Variants in ZMYND8 observed in about 807,000 individuals in gnomAD.
The protein encoded by ZMYND8 is MYND-type zinc finger-containing chromatin reader ZMYND8.
Under a neutral mutation model 140.8 loss-of-function variants are expected in ZMYND8, and 37 were observed. That is an observed-to-expected ratio of 0.26 (90% CI 0.20 to 0.35). The LOEUF (loss-of-function observed/expected upper bound fraction) is 0.35, where lower values mean the gene tolerates loss of function less well. ZMYND8 is among the 10% of genes least tolerant of loss of function. ZMYND8 has a pLI of 1.00. For missense variants in ZMYND8, 1,068 were observed against 1,570.0 expected, an observed-to-expected ratio of 0.68 and a Z score of 5.40; for synonymous variants, 592 against 597.1, an observed-to-expected ratio of 0.99 and a Z score of 0.12.
At chr20:47,292,616 T>A (rs922292224) in intron 5 of ZMYND8, among the ~76,000 whole-genome samples, 1 of 152,094 alleles carries the variant, frequency 6.6e-6, no homozygotes, top group East Asian at 1.9e-4. Flanking sequence ...CTTTTTTTTT[T>A]AAAGATATAA....
chr20:47,311,665 A>C (rs1414533137), intron 2 of ZMYND8, among the ~76,000 whole-genome samples: 2 of 152,184 alleles, frequency 1.3e-5, no homozygotes, highest in Admixed American at 1.3e-4. Flanking sequence ...TCATGAGATC[A>C]AGACCAGCCT....
At chr20:47,340,059 C>T (rs2081714986) in intron 2 of ZMYND8, among the ~76,000 whole-genome samples, 1 of 151,966 alleles carries the variant, frequency 6.6e-6, no homozygotes, top group South Asian at 2.1e-4. Context: ...TCCCCTGCCT[C>T]AGCCTCCTGA....
chr20:47,251,820 C>T (rs182242365), intron 12 of ZMYND8, among the ~76,000 whole-genome samples: 1 of 140,204 alleles, frequency 7.1e-6, no homozygotes, highest in Non-Finnish European at 1.5e-5. Context: ...AAGTGAGGAG[C>T]GCCTCTGCCC....
At chr20:47,219,233 C>G (rs570913214) in intron 21 of ZMYND8, among the ~76,000 whole-genome samples, 1 of 150,002 alleles carries the variant, frequency 6.7e-6, no homozygotes, top group Non-Finnish European at 1.5e-5. Context: ...AATTTTTGTA[C>G]TTTTAGTAGA....
At chr20:47,294,881 T>C (rs1255360203) in intron 4 of ZMYND8, 102 bp from the exon 5 acceptor site, 6 of 1,065,960 alleles carry the variant, frequency 5.6e-6, no homozygotes, top group East Asian at 2.4e-5. Flanking sequence ...CAAAAAGCAA[T>C]TCTCATCCCA....
At chr20:47,331,916 T>G (rs2080984783) in intron 2 of ZMYND8, among the ~76,000 whole-genome samples, 1 of 152,076 alleles carries the variant, frequency 6.6e-6, no homozygotes, top group Non-Finnish European at 1.5e-5. Flanking sequence ...TCTAAGAAGT[T>G]TGGCTTGCTG....
intron 3 of ZMYND8, among the ~76,000 whole-genome samples, chr20:47,302,468 T>A (rs775030918): frequency 1.3e-4 from 20 of 152,028 alleles, no homozygotes; most frequent in Non-Finnish European, 2.9e-4. Context: ...AAAAAATATA[T>A]ATCTATGTGT....
chr20:47,340,344 T>C (rs2081748574), intron 2 of ZMYND8, among the ~76,000 whole-genome samples: 1 of 152,104 alleles, frequency 6.6e-6, no homozygotes, highest in African/African-American at 2.4e-5. Flanking sequence ...CTTGAAACCA[T>C]GGTGCGCACT....
chr20:47,257,960 C>G (rs1428143493), intron 12 of ZMYND8, among the ~76,000 whole-genome samples: 1 of 152,156 alleles, frequency 6.6e-6, no homozygotes, highest in Non-Finnish European at 1.5e-5. Context: ...TGGGCTCAAG[C>G]AATCCTCCTG....
chr20:47,247,740 G>A (rs780185102), intron 13 of ZMYND8, among the ~76,000 whole-genome samples: 4 of 152,184 alleles, frequency 2.6e-5, no homozygotes, highest in Non-Finnish European at 5.9e-5. Context: ...AAAAATACCA[G>A]AGCCATGAAC....
intron 5 of ZMYND8, among the ~76,000 whole-genome samples, chr20:47,292,358 T>G (rs1210352358): frequency 6.6e-6 from 1 of 152,096 alleles, no homozygotes. Context: ...CACATATAAT[T>G]TAGCCTATGA....
chr20:47,210,732 G>A lies in ZMYND8; in HGVS notation c.*29C>T. On this transcript the variant is annotated 3_prime_UTR_variant, in exon 23 of 23. Coordinates refer to ENST00000471951, the MANE Select transcript of ZMYND8 (RefSeq NM_001281775.3). ...TGGCGTCTGGGTTTTTCTCCCAATG[G>A]GGTGGGTGGTTTGTGTCCCGATTCA... The A allele has an allele frequency of 6.2e-7, 1 of 1,613,960 alleles. No individual in the cohort carries two copies. The highest frequency in any genetic ancestry group is 8.5e-7 in the Non-Finnish European group (1 of 1,179,962).
intron 18 of ZMYND8, 85 bp from the exon 19 acceptor site, chr20:47,224,641 C>T (rs1568909912): frequency 1.1e-5 from 17 of 1,577,378 alleles, no homozygotes; most frequent in African/African-American, 2.7e-5. Context: ...TTCAGGCAGA[C>T]GTGGATGCAA....
At position 47,287,355 on chromosome 20, in the gene ZMYND8, C is replaced by T. The variant is rs979706530; in HGVS notation, c.749-71G>A. The T allele has an allele frequency of 2.7e-5, 35 of 1,286,498 alleles. No homozygotes were observed. In the East Asian group the frequency reaches 3.7e-4, roughly 14 times the overall value. The allele number at this position is 1,286,498 out of a possible 1,614,324, so 79.7% of individuals were successfully genotyped here. On this transcript the variant is annotated intron_variant, in intron 7 of 22. Transcript: ENST00000471951. ...ACACCGGGCCTGGGGACTTTACTTCCGCTAACAATGTGTTTACTTGCTTTT... is the reference window on the plus strand; with the variant it reads ...ACACCGGGCCTGGGGACTTTACTTCTGCTAACAATGTGTTTACTTGCTTTT...
chr20:47,298,631 T>C lies in ZMYND8; in HGVS notation c.453+98A>G. ...GGTGGAAAGCAAGAAATTTCTCTTT[T>C]CCATCTATCTGGATTATTTGTAAAT... On this transcript the variant is annotated intron_variant, in intron 4 of 22. Transcript: ENST00000471951. The surrounding 1 kb of genome is among the most constrained non-coding windows in gnomAD (Gnocchi z 5.0). 1.3e-6 allele frequency: 2 copies of C among 1,523,004 alleles called. No individual in the cohort carries two copies. The highest frequency in any genetic ancestry group is 1.8e-6 in the Non-Finnish European group (2 of 1,133,034). 94.3% of individuals were successfully genotyped at this position (1,523,004 alleles called of 1,614,324 possible). A position where few individuals can be genotyped will look rare whatever the true frequency, so the allele number is the denominator to read the frequency against.
intron 15 of ZMYND8, 29 bp from the exon 16 acceptor site, chr20:47,236,545 C>G (rs752522036): frequency 4.6e-6 from 7 of 1,526,850 alleles, no homozygotes; most frequent in South Asian, 2.6e-5. Context: ...CTGATTACCC[C>G]ACGTGGGAAG....
chr20:47,213,101 C>T (rs1228442370), intron 21 of ZMYND8, among the ~76,000 whole-genome samples: 2 of 152,074 alleles, frequency 1.3e-5, no homozygotes, highest in East Asian at 1.9e-4. Flanking sequence ...AGGCAGCACC[C>T]GAGAAAGCCA....
At chr20:47,275,375 T>C (rs1448172874) in intron 11 of ZMYND8, among the ~76,000 whole-genome samples, 2 of 151,378 alleles carry the variant, frequency 1.3e-5, no homozygotes, top group Non-Finnish European at 2.9e-5. Flanking sequence ...GCACCTGTAA[T>C]CCCAGCTACT....
chr20:47,283,960 C>T (rs1302154162), intron 8 of ZMYND8, among the ~76,000 whole-genome samples: 3 of 151,966 alleles, frequency 2.0e-5, no homozygotes, highest in Non-Finnish European at 4.4e-5. Flanking sequence ...TCTCACTCTG[C>T]TGCCCAGGCT....
Sources: allele counts gnomAD v4.1 joint callset (sites outside exome capture counted in the v4.1 genomes callset), GRCh38; gene constraint gnomAD v4.1.1; non-coding constraint Gnocchi (gnomAD v3.1); transcripts MANE v1.5; gene names NCBI Gene and HGNC (gene_info 2026-07-23, HGNC 2026-07-21).